The following TAF3 variants were observed in gnomAD, a reference collection of about 807,000 sequenced individuals.
TAF3 encodes transcription initiation factor TFIID subunit 3.
Under a neutral mutation model 80.6 loss-of-function variants are expected in TAF3, and 7 were observed. The ratio of observed to expected loss-of-function variants is 0.09; its 90% CI spans 0.05 to 0.16. The LOEUF (loss-of-function observed/expected upper bound fraction) is 0.16. Among genes scored for constraint, TAF3 ranks in the 10% least tolerant of loss-of-function variants. The pLI, the probability that TAF3 is intolerant of heterozygous loss-of-function variation, is 1.00. For synonymous variants in TAF3, 444 were observed against 446.1 expected, an observed-to-expected ratio of 1.00 and a Z score of 0.06; for missense variants, 921 against 1,140.2, an observed-to-expected ratio of 0.81 and a Z score of 2.77.
chr10:7,847,124 A>G (rs2131121639), intron 2 of TAF3, among the ~76,000 whole-genome samples: 1 of 152,344 alleles, frequency 6.6e-6, no homozygotes, highest in South Asian at 2.1e-4. Context: ...TTTCTGGCTG[A>G]TGAGGATTAT....
intron 2 of TAF3, among the ~76,000 whole-genome samples, chr10:7,931,494 A>G (rs1837868929): frequency 6.6e-6 from 1 of 152,202 alleles, no homozygotes; most frequent in African/African-American, 2.4e-5. Context: ...TCAGCCCATC[A>G]TTTAAGTCTG....
At chr10:7,886,608 T>C (rs976435382) in intron 2 of TAF3, among the ~76,000 whole-genome samples, 3 of 152,244 alleles carry the variant, frequency 2.0e-5, no homozygotes, top group African/African-American at 7.2e-5. Flanking sequence ...TAATAATATC[T>C]CATGGGGTTA....
At chr10:7,920,686 C>A (rs957466911) in intron 2 of TAF3, among the ~76,000 whole-genome samples, 4 of 152,090 alleles carry the variant, frequency 2.6e-5, no homozygotes, top group African/African-American at 9.7e-5. Flanking sequence ...AGATGAAAAT[C>A]ACAGTTAATT....
chr10:7,881,643 T>G (rs1258410476), intron 2 of TAF3, among the ~76,000 whole-genome samples: 1 of 152,146 alleles, frequency 6.6e-6, no homozygotes, highest in Non-Finnish European at 1.5e-5. Flanking sequence ...CCCCTTGAAA[T>G]TTGATAGAGT....
chr10:7,874,204 A>G (rs778341059), intron 2 of TAF3, among the ~76,000 whole-genome samples: 9 of 152,234 alleles, frequency 5.9e-5, no homozygotes, highest in Non-Finnish European at 1.0e-4. Flanking sequence ...AAGAAAGAGT[A>G]AAGAAACTTA....
At chr10:7,960,649 G>A (rs1268406598) in intron 2 of TAF3, among the ~76,000 whole-genome samples, 2 of 152,192 alleles carry the variant, frequency 1.3e-5, no homozygotes, top group African/African-American at 4.8e-5. Flanking sequence ...GGTAGAGCAC[G>A]CAGGGGCTCA....
At chr10:7,935,626 A>T (rs749521823) in intron 2 of TAF3, among the ~76,000 whole-genome samples, 1 of 148,776 alleles carries the variant, frequency 6.7e-6, no homozygotes, top group Non-Finnish European at 1.5e-5. Context: ...AGCTAAGTAG[A>T]GGGCCAGAGA....
chr10:7,887,186 C>T (rs971652910), intron 2 of TAF3, among the ~76,000 whole-genome samples: 3 of 150,490 alleles, frequency 2.0e-5, no homozygotes, highest in African/African-American at 4.9e-5. Context: ...GAGCCGAGAT[C>T]GCACCACTGC....
chr10:7,942,876 A>C (rs1239616215), intron 2 of TAF3, among the ~76,000 whole-genome samples: 1 of 152,250 alleles, frequency 6.6e-6, no homozygotes, highest in Non-Finnish European at 1.5e-5. Flanking sequence ...TGCAGCCCAC[A>C]TACACAAAAA....
chr10:7,843,346 C>T (rs1836937872), intron 2 of TAF3, among the ~76,000 whole-genome samples: 2 of 151,688 alleles, frequency 1.3e-5, no homozygotes, highest in Non-Finnish European at 2.9e-5. Context: ...TGGGCTCAAG[C>T]GATCCTCCCC....
chr10:7,924,340 T>A (rs1564364392), intron 2 of TAF3, among the ~76,000 whole-genome samples: 1 of 152,226 alleles, frequency 6.6e-6, no homozygotes, highest in Non-Finnish European at 1.5e-5. Flanking sequence ...TGTTTTGATT[T>A]TAGAAGGTCG....
chr10:7,832,506 T>C (rs1030940928), intron 2 of TAF3, among the ~76,000 whole-genome samples: 1 of 152,154 alleles, frequency 6.6e-6, no homozygotes, highest in African/African-American at 2.4e-5. Flanking sequence ...TCAGACTAAA[T>C]TGGATATTTA....
chr10:7,909,107 A>G (rs1476710225), intron 2 of TAF3, among the ~76,000 whole-genome samples: 2 of 152,188 alleles, frequency 1.3e-5, no homozygotes, highest in African/African-American at 2.4e-5. Flanking sequence ...GCCAGGGGCC[A>G]TTGCTGGAAT....
chr10:7,885,032 C>T (rs1278516864), intron 2 of TAF3, among the ~76,000 whole-genome samples: 20 of 150,218 alleles, frequency 1.3e-4, no homozygotes, highest in African/African-American at 4.4e-4. Flanking sequence ...AGTATATAGT[C>T]AAAACTTTGT....
intron 2 of TAF3, among the ~76,000 whole-genome samples, chr10:7,864,715 C>T (rs1837192438): frequency 6.6e-6 from 1 of 152,076 alleles, no homozygotes; most frequent in African/African-American, 2.4e-5. Flanking sequence ...TTTTTATCAT[C>T]TATTTGTTTT....
At chr10:7,916,691 C>T (rs180906878) in intron 2 of TAF3, among the ~76,000 whole-genome samples, 1 of 152,240 alleles carries the variant, frequency 6.6e-6, no homozygotes, top group East Asian at 1.9e-4. Context: ...TGCTTTAGCA[C>T]AACTTGATAT....
In TAF3 at chr10:7,865,523, G is replaced by C. The variant is rs78218175; in HGVS notation, c.409+40963G>C. 7.6e-3 allele frequency among the ~76,000 whole-genome samples: 1,157 copies of C among 152,030 alleles called. 12 individuals are homozygous for C. Among genetic ancestry groups the C allele is most frequent in the African/African-American group, 0.026 (1,090 of 41,426 alleles). ...CAAACAAAGAAACAAACAGAAAGTA[G>C]GGGAGCAAGCTGCCTAGAAACCTTG... On this transcript the variant is annotated intron_variant, in intron 2 of 6. Transcript: ENST00000344293.
chr10:8,003,665 C>G (rs1760155859), intron 4 of TAF3, among the ~76,000 whole-genome samples: 1 of 152,216 alleles, frequency 6.6e-6, no homozygotes, highest in East Asian at 1.9e-4. Context: ...GAAGAACTTA[C>G]ACCATTATCC....
chr10:7,970,020 G>C lies in TAF3; in HGVS notation c.2232+4278G>C, dbSNP rs569319629. Among the ~76,000 whole-genome samples, 22 of 152,320 alleles carry C rather than the reference G, an allele frequency of 1.4e-4. No individual in the cohort carries two copies. The South Asian group carries it at 4.1e-3, about 29-fold the overall frequency. ...CTCGAAGAATATTCTGGCTTCAGAGGCTTTCTCTTCTGCCTTCTCTTAGAA... is the reference window on the plus strand; with the variant it reads ...CTCGAAGAATATTCTGGCTTCAGAGCCTTTCTCTTCTGCCTTCTCTTAGAA... On this transcript the variant is annotated intron_variant, in intron 3 of 6. Coordinates refer to ENST00000344293, the MANE Select transcript of TAF3 (RefSeq NM_031923.4).
Sources: allele counts gnomAD v4.1 joint callset (sites outside exome capture counted in the v4.1 genomes callset), GRCh38; gene constraint gnomAD v4.1.1; transcripts MANE v1.5; gene names NCBI Gene and HGNC (gene_info 2026-07-23, HGNC 2026-07-21).